The following COL3A1 variants were observed in gnomAD, a reference collection of about 807,000 sequenced individuals.
COL3A1 encodes collagen type III alpha 1 chain, also known as collagen alpha-1(III) chain.
Under a neutral mutation model 200.9 loss-of-function variants are expected in COL3A1, and 46 were observed. The observed-to-expected ratio is 0.23, with a 90% CI of 0.18 to 0.29. The LOEUF (loss-of-function observed/expected upper bound fraction) is 0.29, where lower values mean the gene tolerates loss of function less well. COL3A1 is among the 10% of genes least tolerant of loss of function. The probability of loss-of-function intolerance (pLI) is 1.00; values close to 1 mark genes in which losing one functional copy is unlikely to be tolerated. For synonymous variants in COL3A1, 650 were observed against 628.0 expected (o/e 1.03, Z -0.52); for missense variants, 1,367 against 1,917.6 (o/e 0.71, Z 5.36).
At chr2:189,005,824 A>C (rs1688573123) in intron 41 of COL3A1, among the ~76,000 whole-genome samples, 1 of 152,118 alleles carries the variant, frequency 6.6e-6, no homozygotes, top group African/African-American at 2.4e-5. Context: ...AACAAATCAT[A>C]ATTGTATACA....
intron 42 of COL3A1, 37 bp downstream of exon 42, chr2:189,006,296 A>G (rs1688584260): frequency 1.2e-6 from 2 of 1,612,616 alleles, no homozygotes; most frequent in Non-Finnish European, 1.7e-6. Context: ...TTGTGTTATC[A>G]AAATAAGTGA....
intron 34 of COL3A1, 74 bp from the exon 35 acceptor site, chr2:189,002,224 A>G: frequency 1.7e-6 from 2 of 1,199,908 alleles, no homozygotes; most frequent in Non-Finnish European, 2.5e-6. Context: ...AGATAAGATG[A>G]TAAGATGACA....
chr2:188,975,915 C>T (rs1195167796), intron 1 of COL3A1, among the ~76,000 whole-genome samples: 1 of 151,728 alleles, frequency 6.6e-6, no homozygotes, highest in South Asian at 2.1e-4. Context: ...ATCTACTCCT[C>T]TCTCCTCCTC....
chr2:189,010,171 T>C lies in COL3A1; in HGVS notation c.3824-7T>C. The C allele has an allele frequency of 6.2e-7, 1 of 1,613,974 alleles. No individual in the cohort carries two copies. Among genetic ancestry groups the C allele is most frequent in the Non-Finnish European group, 8.5e-7 (1 of 1,179,818 alleles). ...ACCAATTCCCATTCTTTTTTGTGACTATTCAGGAGAATACTGGGTTGACCC... is the reference window on the plus strand; with the variant it reads ...ACCAATTCCCATTCTTTTTTGTGACCATTCAGGAGAATACTGGGTTGACCC... On this transcript the variant is annotated splice_polypyrimidine_tract_variant and splice_region_variant and intron_variant, in intron 48 of 50. Coordinates refer to ENST00000304636, the MANE Select transcript of COL3A1 (RefSeq NM_000090.4).
At position 188,994,415 on chromosome 2, in the gene COL3A1, C is replaced by A; in HGVS notation, c.1293+83C>A. On this transcript the variant is annotated intron_variant, in intron 18 of 50. Transcript: ENST00000304636. The surrounding 1 kb of genome is among the most constrained non-coding windows in gnomAD (Gnocchi z 4.5). Reference sequence around the variant, plus strand: ...AAAAATTAATAGCAAAATTTTGCTCCTGTTCAGTTGAATTTATATTGACTT... The same window carrying A: ...AAAAATTAATAGCAAAATTTTGCTCATGTTCAGTTGAATTTATATTGACTT... 6.3e-7 allele frequency: 1 copy of A among 1,581,902 alleles called. No individual in the cohort carries two copies. The highest frequency in any genetic ancestry group is 8.7e-7 in the Non-Finnish European group (1 of 1,152,740).
intron 1 of COL3A1, among the ~76,000 whole-genome samples, chr2:188,983,192 AG>A (rs1365512407): frequency 6.6e-6 from 1 of 151,974 alleles, no homozygotes; most frequent in Non-Finnish European, 1.5e-5. Context: ...GGGAGGAATT[AG>A]AATAAATTTT....
rs935198038 is a variant in COL3A1, at chr2:189,012,398, T to G, written c.*624T>G. Reference sequence around the variant, plus strand: ...TGCTTGTAAAGGTGCTCCTCTTTTTTCTTGTCATTGCTGGTCAAGATTACT... The same window carrying G: ...TGCTTGTAAAGGTGCTCCTCTTTTTGCTTGTCATTGCTGGTCAAGATTACT... On this transcript the variant is annotated 3_prime_UTR_variant, in exon 51 of 51. Transcript: ENST00000304636. 6.5e-6 allele frequency: 1 copy of G among 152,692 alleles called. No individual in the cohort carries two copies. Among genetic ancestry groups the G allele is most frequent in the Non-Finnish European group, 1.5e-5 (1 of 68,286 alleles). The allele number at this position is 152,692 out of a possible 1,614,324, so 9.5% of individuals were successfully genotyped here.
At chr2:188,985,804 A>T in intron 4 of COL3A1, 26 bp downstream of exon 4, 1 of 1,504,996 alleles carries the variant, frequency 6.6e-7, no homozygotes, top group South Asian at 1.1e-5. Context: ...TACTTAAAAA[A>T]TTCCCTCATA....
intron 26 of COL3A1, 94 bp from the exon 27 acceptor site, chr2:188,997,606 C>A (rs1159419938): frequency 2.1e-5 from 28 of 1,343,368 alleles, no homozygotes; most frequent in Middle Eastern, 1.8e-4. Context: ...CACATCACTA[C>A]TTTTATAATT....
chr2:188,984,757 C>T lies in COL3A1; in HGVS notation c.80-3C>T. On this transcript the variant is annotated splice_polypyrimidine_tract_variant and splice_region_variant and intron_variant, in intron 1 of 50. Coordinates refer to ENST00000304636, the MANE Select transcript of COL3A1 (RefSeq NM_000090.4). ...ACTTCACGTCATCTAACTTGTTTTT[C>T]AGCTGTTGAAGGAGGATGTTCCCAT... 2 of 1,612,724 alleles carry T rather than the reference C, an allele frequency of 1.2e-6. No homozygotes were observed. The highest frequency in any genetic ancestry group is 1.7e-6 in the Non-Finnish European group (2 of 1,179,058).
At position 189,010,803 on chromosome 2, in the gene COL3A1, C is replaced by A. The variant is rs757334541; in HGVS notation, c.4167C>A (p.Ala1389=). The A allele has an allele frequency of 6.2e-7, 1 of 1,613,836 alleles. No homozygotes were observed. Among genetic ancestry groups the A allele is most frequent in the African/African-American group, 1.3e-5 (1 of 74,856 alleles). ...MDQASGNVKK[A]LKLMGSNEGE... ...AGGCCAGTGGAAATGTAAAGAAGGC[C>A]CTGAAGCTGATGGGGTCAAATGAAG... Residue 1389 remains alanine, a synonymous_variant, in exon 50 of 51, where the codon GCC becomes GCA. Transcript: ENST00000304636.
chr2:189,005,930 T>A (rs568393068), intron 41 of COL3A1, among the ~76,000 whole-genome samples: 2 of 152,302 alleles, frequency 1.3e-5, no homozygotes, highest in African/African-American at 4.8e-5. Flanking sequence ...ACAGTTTAGA[T>A]CACTATTTCT....
chr2:188,977,663 A>G (rs1179201317), intron 1 of COL3A1, among the ~76,000 whole-genome samples: 2 of 152,104 alleles, frequency 1.3e-5, no homozygotes, highest in Non-Finnish European at 1.5e-5. Flanking sequence ...GACGGAGTCA[A>G]GGCTAGGACC....
chr2:188,990,249 T>A (rs187801966), intron 9 of COL3A1, 58 bp from the exon 10 acceptor site: 11 of 1,573,090 alleles, frequency 7.0e-6, no homozygotes, highest in Non-Finnish European at 9.6e-6. Context: ...AGTGTTTTAC[T>A]ACTAGATTGT....
chr2:188,977,406 A>G (rs2153500454), intron 1 of COL3A1, among the ~76,000 whole-genome samples: 1 of 152,204 alleles, frequency 6.6e-6, no homozygotes, highest in Middle Eastern at 3.4e-3. Context: ...TTCTTATTAG[A>G]CGTCATGAGA....
Position 188,974,525 on chromosome 2 carries a change from T to G in COL3A1, c.36T>G (p.Leu12=), listed in dbSNP as rs781047496. 1.2e-6 allele frequency: 2 copies of G among 1,614,112 alleles called. No individual in the cohort carries two copies. The highest frequency in any genetic ancestry group is 2.2e-5 in the East Asian group (1 of 44,858). Residue 12 remains leucine, a synonymous_variant, in exon 1 of 51, where the codon CTT becomes CTG. Coordinates refer to ENST00000304636, the MANE Select transcript of COL3A1 (RefSeq NM_000090.4). ...MSFVQKGSWL[L]LALLHPTIIL... is the part of the protein sequence containing the mutation. Reference sequence around the variant, plus strand: ...TTGTGCAAAAGGGGAGCTGGCTACTTCTCGCTCTGCTTCATCCCACTATTA... The same window carrying G: ...TTGTGCAAAAGGGGAGCTGGCTACTGCTCGCTCTGCTTCATCCCACTATTA...
chr2:188,995,375 A>G (rs1688283112), intron 21 of COL3A1, among the ~76,000 whole-genome samples: 1 of 152,224 alleles, frequency 6.6e-6, no homozygotes, highest in South Asian at 2.1e-4. Flanking sequence ...AATGCCTGAA[A>G]AGTCTTTGAA....
intron 35 of COL3A1, among the ~76,000 whole-genome samples, 189 bp from the exon 36 acceptor site, chr2:189,002,766 G>C (rs1688495812): frequency 6.6e-6 from 1 of 152,042 alleles, no homozygotes; most frequent in Non-Finnish European, 1.5e-5. Context: ...ATGCTTTCTT[G>C]GTCATGTTCT....
At chr2:188,987,944 A>C in intron 5 of COL3A1, 137 bp from the exon 6 acceptor site, 2 of 709,774 alleles carry the variant, frequency 2.8e-6, no homozygotes, top group South Asian at 3.2e-5. Flanking sequence ...GATCTCATGA[A>C]TAGTTATCAA....
Sources: allele counts gnomAD v4.1 joint callset (sites outside exome capture counted in the v4.1 genomes callset), GRCh38; gene constraint gnomAD v4.1.1; non-coding constraint Gnocchi (gnomAD v3.1); transcripts MANE v1.5; gene names NCBI Gene and HGNC (gene_info 2026-07-23, HGNC 2026-07-21).